Variants in PCDHGB2 observed in about 807,000 individuals in gnomAD.
PCDHGB2 encodes protocadherin gamma-B2.
A neutral mutation model predicts 59.3 loss-of-function variants in PCDHGB2; 55 were observed. The observed-to-expected ratio is 0.93, with a 90% CI of 0.75 to 1.16. PCDHGB2 has a LOEUF of 1.16. PCDHGB2 is among the 50% of genes most tolerant of loss of function. The pLI is 0.00. For missense variants in PCDHGB2, 1,228 were observed against 1,198.5 expected, an observed-to-expected ratio of 1.02 and a Z score of -0.36; for synonymous variants, 516 against 512.0, an observed-to-expected ratio of 1.01 and a Z score of -0.11.
At chr5:141,442,089 C>A in intron 1 of PCDHGB2, 1 of 170,684 alleles carries the variant, frequency 5.9e-6, no homozygotes, top group South Asian at 1.1e-4. Context: ...CTCGCTACCG[C>A]CACGTCACCA....
Position 141,489,458 on chromosome 5 carries a change from G to T in PCDHGB2, c.2422-5349G>T, listed in dbSNP as rs143138320. 1 of 1,613,924 alleles carries T rather than the reference G, an allele frequency of 6.2e-7. No homozygotes were observed. Among genetic ancestry groups the T allele is most frequent in the Non-Finnish European group, 8.5e-7 (1 of 1,180,000 alleles). On this transcript the variant is annotated intron_variant, in intron 1 of 3. Coordinates refer to ENST00000522605, the MANE Select transcript of PCDHGB2 (RefSeq NM_018923.3). The surrounding 1 kb of genome is among the most constrained non-coding windows in gnomAD (Gnocchi z 4.5). ...CAATTGGGCTCTGAGGAGAATGGGC[G>T]CTATTTTTCCCTGAGCTTGATGAGT...
chr5:141,390,464 T>C (rs2092153361), intron 1 of PCDHGB2: 3 of 718,912 alleles, frequency 4.2e-6, no homozygotes, highest in Admixed American at 3.0e-5. Flanking sequence ...GTAGGAGCAA[T>C]TGTGTGGCCC....
At position 141,490,475 on chromosome 5, in the gene PCDHGB2, T is replaced by C. The variant is rs769951029; in HGVS notation, c.2422-4332T>C. On this transcript the variant is annotated intron_variant, in intron 1 of 3. Coordinates refer to ENST00000522605, the MANE Select transcript of PCDHGB2 (RefSeq NM_018923.3). This position sits in a 1 kb window ranked among gnomAD's most constrained non-coding sequence, Gnocchi z 5.4. ...TACTCGCTGCTAACCAGCCAGCCTTTGGACCGGGAGGCCACATCCCACTAT... is the reference window on the plus strand; with the variant it reads ...TACTCGCTGCTAACCAGCCAGCCTTCGGACCGGGAGGCCACATCCCACTAT... The C allele has an allele frequency of 3.7e-6, 6 of 1,614,240 alleles. No individual in the cohort carries two copies. The highest frequency in any genetic ancestry group is 5.1e-6 in the Non-Finnish European group (6 of 1,180,038).
At chr5:141,495,771 C>T (rs941051365) in intron 2 of PCDHGB2, among the ~76,000 whole-genome samples, 1 of 152,110 alleles carries the variant, frequency 6.6e-6, no homozygotes, top group Non-Finnish European at 1.5e-5. Flanking sequence ...TGTCCTTGTC[C>T]TGGACCTCTT....
At chr5:141,423,095 A>G (rs2096708889) in intron 1 of PCDHGB2, 3 of 1,613,978 alleles carry the variant, frequency 1.9e-6, no homozygotes, top group Non-Finnish European at 2.5e-6. Flanking sequence ...GTGGGGGAGC[A>G]CACGGGCGAG....
chr5:141,509,207 A>C (rs1263006059), intron 3 of PCDHGB2, among the ~76,000 whole-genome samples: 2 of 151,694 alleles, frequency 1.3e-5, no homozygotes, highest in Non-Finnish European at 2.9e-5. Context: ...CTGTCTCTCT[A>C]TTTCTCAATC....
chr5:141,394,500 C>T, intron 1 of PCDHGB2: 2 of 1,614,242 alleles, frequency 1.2e-6, no homozygotes, highest in Non-Finnish European at 8.5e-7. Context: ...GCCCGAGATC[C>T]TGTACCCCGC....
chr5:141,386,303 T>A (rs938709302), intron 1 of PCDHGB2, among the ~76,000 whole-genome samples: 6 of 152,202 alleles, frequency 3.9e-5, no homozygotes, highest in Admixed American at 2.0e-4. Flanking sequence ...TTAGTAAAGC[T>A]CAGTATATCA....
At chr5:141,387,838 A>AG (rs2091116111) in intron 1 of PCDHGB2, 1 of 1,598,608 alleles carries the variant, frequency 6.3e-7, no homozygotes, top group African/African-American at 1.3e-5. Flanking sequence ...GGTTATTTGT[A>AG]ACCCGGCGTC....
chr5:141,465,043 T>C (rs1404714692), intron 1 of PCDHGB2, among the ~76,000 whole-genome samples: 2 of 152,030 alleles, frequency 1.3e-5, no homozygotes, highest in Non-Finnish European at 2.9e-5. Context: ...CAAATGACCC[T>C]ATATATTTTT....
chr5:141,478,849 C>A, intron 1 of PCDHGB2: 1 of 1,375,282 alleles, frequency 7.3e-7, no homozygotes, highest in Non-Finnish European at 9.6e-7. Flanking sequence ...TAAGCTAAAA[C>A]ACAAGATCTC....
intron 1 of PCDHGB2, among the ~76,000 whole-genome samples, chr5:141,397,036 T>G (rs2093467467): frequency 2.0e-5 from 3 of 152,222 alleles, no homozygotes. Context: ...TGTCCACAAA[T>G]TTATGTAAAT....
At chr5:141,393,259 G>A in intron 1 of PCDHGB2, 1 of 1,613,874 alleles carries the variant, frequency 6.2e-7, no homozygotes, top group Non-Finnish European at 8.5e-7. Context: ...GCGGTTCCTG[G>A]AGCACGTTAT....
Position 141,373,901 on chromosome 5 carries a change from C to T in PCDHGB2, c.2421+11345C>T. ...AATCAACGGAAACTCAAGTTACATCCTCCAACAACAAAGCAAATTAGACGG... is the reference window on the plus strand; with the variant it reads ...AATCAACGGAAACTCAAGTTACATCTTCCAACAACAAAGCAAATTAGACGG... On this transcript the variant is annotated intron_variant, in intron 1 of 3. Coordinates refer to ENST00000522605, the MANE Select transcript of PCDHGB2 (RefSeq NM_018923.3). 5.3e-6 allele frequency: 3 copies of T among 568,614 alleles called. No homozygotes were observed. In the East Asian group the frequency reaches 9.4e-5, roughly 18 times the overall value. The allele number at this position is 568,614 out of a possible 1,614,324, so 35.2% of individuals were successfully genotyped here.
In PCDHGB2 at chr5:141,490,274, A is replaced by G. The variant is rs1285515971; in HGVS notation, c.2422-4533A>G. The G allele has an allele frequency of 6.2e-7, 1 of 1,614,228 alleles. No individual in the cohort carries two copies. Among genetic ancestry groups the G allele is most frequent in the Non-Finnish European group, 8.5e-7 (1 of 1,180,038 alleles). On this transcript the variant is annotated intron_variant, in intron 1 of 3. Transcript: ENST00000522605. This position sits in a 1 kb window ranked among gnomAD's most constrained non-coding sequence, Gnocchi z 5.4. ...CAAGTGGATGTGGGGGATGTCAATGACAATGCCCCAGAGGTGCTATTGGCC... is the reference window on the plus strand; with the variant it reads ...CAAGTGGATGTGGGGGATGTCAATGGCAATGCCCCAGAGGTGCTATTGGCC...
chr5:141,363,237 C>T (rs1762851401), intron 1 of PCDHGB2, among the ~76,000 whole-genome samples: 1 of 152,240 alleles, frequency 6.6e-6, no homozygotes, highest in African/African-American at 2.4e-5. Flanking sequence ...ATGTTCACAT[C>T]ATTTTCTACA....
chr5:141,388,378 A>G, intron 1 of PCDHGB2: 1 of 1,614,028 alleles, frequency 6.2e-7, no homozygotes, highest in Non-Finnish European at 8.5e-7. Context: ...ATTGGTAGCA[A>G]CACACTGCAG....
At chr5:141,484,392 T>G (rs1454201773) in intron 1 of PCDHGB2, among the ~76,000 whole-genome samples, 1 of 152,162 alleles carries the variant, frequency 6.6e-6, no homozygotes, top group African/African-American at 2.4e-5. Flanking sequence ...TAAGAAAGGT[T>G]TGGTTTCCGC....
chr5:141,360,965 T>C lies in PCDHGB2; in HGVS notation c.830T>C (p.Ile277Thr), dbSNP rs780001160. 1.4e-5 allele frequency: 23 copies of C among 1,613,904 alleles called. 1 individual carries two copies. The highest frequency in any genetic ancestry group is 1.3e-4 in the South Asian group (12 of 91,086). ...CGGGATGAAGGCATAAACGCAGAGA[T>C]CACCTACTCCTTTCATAATGTGGAC... ...TDRDEGINAEITYSFHNVDEQ... is the reference protein window; with the variant it reads ...TDRDEGINAETTYSFHNVDEQ... Residue 277 changes from isoleucine to threonine, a missense_variant, in exon 1 of 4, where the codon ATC becomes ACC. Coordinates refer to ENST00000522605, the MANE Select transcript of PCDHGB2 (RefSeq NM_018923.3).
Sources: gnomAD v4.1 joint callset for allele counts (sites outside exome capture counted in the v4.1 genomes callset) on GRCh38, gnomAD v4.1.1 for gene constraint, Gnocchi (gnomAD v3.1) non-coding constraint, MANE v1.5 for transcripts, NCBI Gene and HGNC (gene_info 2026-07-23, HGNC 2026-07-21) for gene names.